Variants in CNOT2 observed in about 807,000 individuals in gnomAD.
CNOT2 encodes CC chemokine receptor 4-negative regulator of transcription 2.
CNOT2 carries 7 observed loss-of-function variants against 72.1 expected under a neutral mutation model. The ratio of observed to expected loss-of-function variants is 0.10; its 90% CI spans 0.06 to 0.18. The LOEUF (loss-of-function observed/expected upper bound fraction) is 0.18. CNOT2 is among the 10% of genes least tolerant of loss of function. The probability of loss-of-function intolerance (pLI) is 1.00; values close to 1 mark genes in which losing one functional copy is unlikely to be tolerated. For missense variants in CNOT2, 345 were observed against 660.3 expected (o/e 0.52, Z 5.23); for synonymous variants, 196 against 225.6 (o/e 0.87, Z 1.17).
chr12:70,309,256 G>A (rs1188771706), intron 2 of CNOT2, among the ~76,000 whole-genome samples: 2 of 152,072 alleles, frequency 1.3e-5, no homozygotes, highest in African/African-American at 4.8e-5. Context: ...CTAATAAATT[G>A]TTAGACCCTT....
intron 2 of CNOT2, among the ~76,000 whole-genome samples, chr12:70,289,329 G>A (rs1166935441): frequency 6.6e-6 from 1 of 151,932 alleles, no homozygotes; most frequent in Non-Finnish European, 1.5e-5. Context: ...CTTATGTTTA[G>A]TCTTGTGTGT....
chr12:70,281,415 G>A (rs1381466308), intron 2 of CNOT2, among the ~76,000 whole-genome samples: 1 of 152,102 alleles, frequency 6.6e-6, no homozygotes, highest in Non-Finnish European at 1.5e-5. Context: ...ACATATTCAA[G>A]CTTCTAAACA....
At chr12:70,340,921 G>A (rs1881414373) in intron 11 of CNOT2, among the ~76,000 whole-genome samples, 1 of 118,700 alleles carries the variant, frequency 8.4e-6, no homozygotes, top group Admixed American at 1.1e-4. Context: ...TTGAGACAGA[G>A]TATTGCTCTT....
At chr12:70,345,223 CATAACATTTCTA>C (rs1052318374) in intron 14 of CNOT2, 1 of 152,136 alleles carries the variant, frequency 6.6e-6, no homozygotes, top group Non-Finnish European at 1.5e-5. Context: ...TTAAGTATTT[CATAACATTTCTA>C]ATAACATTTC....
intron 15 of CNOT2, among the ~76,000 whole-genome samples, chr12:70,347,356 G>A (rs1882306710): frequency 1.3e-5 from 2 of 152,004 alleles, no homozygotes; most frequent in Admixed American, 6.6e-5. Context: ...CAAAAAGCCG[G>A]GTGCAGTGGC....
intron 15 of CNOT2, chr12:70,347,817 T>C (rs1186619403): frequency 6.6e-6 from 1 of 152,212 alleles, no homozygotes; most frequent in African/African-American, 2.4e-5. Flanking sequence ...GACTATTGTG[T>C]TTTCAGAAGG....
chr12:70,318,409 A>G (rs888372052), intron 3 of CNOT2, among the ~76,000 whole-genome samples: 16 of 151,682 alleles, frequency 1.1e-4, no homozygotes, highest in Admixed American at 9.2e-4. Flanking sequence ...TTTTGTGTTC[A>G]ATTTTTAAAT....
At chr12:70,298,347 C>T (rs1873197386) in intron 2 of CNOT2, among the ~76,000 whole-genome samples, 1 of 152,112 alleles carries the variant, frequency 6.6e-6, no homozygotes. Flanking sequence ...ACAAAACACA[C>T]ATTAAATTGT....
intron 2 of CNOT2, chr12:70,294,245 T>C: frequency 7.8e-7 from 1 of 1,289,456 alleles, no homozygotes. Flanking sequence ...AGCCTCCAGC[T>C]CTGAGCTTTC....
rs74101485 is a variant in CNOT2 at position 70,282,102 on chromosome 12, C to T, written c.48+3828C>T. ...TTGGTATGTAGATAGGTGTTCAATG[C>T]ATGTTGTTCCAATAAAATTAAATAA... On this transcript the variant is annotated intron_variant, in intron 2 of 15. Coordinates refer to ENST00000229195, the MANE Select transcript of CNOT2 (RefSeq NM_014515.7). 7.0e-3 allele frequency among the ~76,000 whole-genome samples: 1,061 copies of T among 152,100 alleles called. 5 individuals are homozygous for T. Among genetic ancestry groups the T allele is most frequent in the African/African-American group, 0.023 (959 of 41,492 alleles).
chr12:70,333,190 T>C (rs1478125130), intron 7 of CNOT2, among the ~76,000 whole-genome samples: 3 of 151,918 alleles, frequency 2.0e-5, no homozygotes, highest in Non-Finnish European at 4.4e-5. Flanking sequence ...GTGAGAACTA[T>C]AGCTTAGACT....
At chr12:70,299,756 G>A (rs942652049) in intron 2 of CNOT2, among the ~76,000 whole-genome samples, 2 of 152,148 alleles carry the variant, frequency 1.3e-5, no homozygotes, top group South Asian at 4.1e-4. Context: ...GGATGGCTGG[G>A]TCAAATGGTA....
intron 1 of CNOT2, among the ~76,000 whole-genome samples, chr12:70,260,598 A>C (rs1480344799): frequency 1.3e-5 from 2 of 151,008 alleles, no homozygotes; most frequent in Non-Finnish European, 2.9e-5. Flanking sequence ...TCTCCTGTTG[A>C]CTTATCTTGT....
chr12:70,279,609 ACTT>A (rs1468020631), intron 2 of CNOT2, among the ~76,000 whole-genome samples: 1 of 152,154 alleles, frequency 6.6e-6, no homozygotes, highest in Non-Finnish European at 1.5e-5. Context: ...AATTGGTCAC[ACTT>A]CTTGGACTTC....
chr12:70,274,471 C>A (rs1360743503), intron 1 of CNOT2, among the ~76,000 whole-genome samples: 1 of 151,952 alleles, frequency 6.6e-6, no homozygotes, highest in African/African-American at 2.4e-5. Context: ...GCTGTCTTAA[C>A]CTAACCAAAT....
At chr12:70,254,548 T>A (rs2135712821) in intron 1 of CNOT2, among the ~76,000 whole-genome samples, 1 of 152,258 alleles carries the variant, frequency 6.6e-6, no homozygotes, top group African/African-American at 2.4e-5. Flanking sequence ...TAACTGAAAC[T>A]GAAGAAGAAG....
intron 6 of CNOT2, among the ~76,000 whole-genome samples, chr12:70,332,126 A>G (rs540728090): frequency 6.6e-6 from 1 of 151,948 alleles, no homozygotes; most frequent in African/African-American, 2.4e-5. Flanking sequence ...ATATTTAGAT[A>G]AGAATGATGT....
In CNOT2 at chr12:70,338,841, T is replaced by G; in HGVS notation, c.1178+19T>G. ...CTCCTGAGTAAGTTTTTTCTGTTTT[T>G]CCATGTCTGTATATAATACCTCTTC... On this transcript the variant is annotated intron_variant, in intron 11 of 15. Coordinates refer to ENST00000229195, the MANE Select transcript of CNOT2 (RefSeq NM_014515.7). 3.1e-6 allele frequency: 5 copies of G among 1,607,414 alleles called. No homozygotes were observed. The highest frequency in any genetic ancestry group is 4.3e-6 in the Non-Finnish European group (5 of 1,175,470).
At chr12:70,338,011 A>G (rs1299281541) in intron 9 of CNOT2, 1 of 243,428 alleles carries the variant, frequency 4.1e-6, no homozygotes, top group African/African-American at 2.4e-5. Context: ...TAAGAATTAA[A>G]ATAAGTACAA....
Sources: gnomAD v4.1 joint callset for allele counts (sites outside exome capture counted in the v4.1 genomes callset) on GRCh38, gnomAD v4.1.1 for gene constraint, MANE v1.5 for transcripts, NCBI Gene and HGNC (gene_info 2026-07-23, HGNC 2026-07-21) for gene names.